Variants in LRRTM4 observed in about 807,000 individuals in gnomAD.
LRRTM4 encodes leucine-rich repeat transmembrane neuronal protein 4.
A neutral mutation model predicts 47.6 loss-of-function variants in LRRTM4; 25 were observed. That is an observed-to-expected ratio of 0.53 (90% CI 0.38 to 0.73). The LOEUF (loss-of-function observed/expected upper bound fraction) is 0.73, where lower values mean the gene tolerates loss of function less well. LRRTM4 is among the 30% of genes least tolerant of loss of function. LRRTM4 has a pLI of 0.00. For missense variants in LRRTM4, 638 were observed against 713.4 expected, an observed-to-expected ratio of 0.89 and a Z score of 1.20; for synonymous variants, 311 against 269.5, an observed-to-expected ratio of 1.15 and a Z score of -1.51.
At chr2:77,377,928 T>C (rs2103784860) in intron 3 of LRRTM4, among the ~76,000 whole-genome samples, 1 of 152,150 alleles carries the variant, frequency 6.6e-6, no homozygotes, top group South Asian at 2.1e-4. Flanking sequence ...CTATTAATCT[T>C]TTAAAAACCA....
chr2:76,930,519 G>C (rs1674736679), intron 3 of LRRTM4, among the ~76,000 whole-genome samples: 1 of 152,158 alleles, frequency 6.6e-6, no homozygotes, highest in Non-Finnish European at 1.5e-5. Context: ...CACAGCAGAA[G>C]TGTGCTGATG....
intron 3 of LRRTM4, among the ~76,000 whole-genome samples, chr2:77,460,968 A>G (rs1298550324): frequency 1.3e-5 from 2 of 152,098 alleles, no homozygotes; most frequent in South Asian, 4.1e-4. Context: ...TAAAATATAG[A>G]CTACATTTTA....
chr2:77,392,455 TTTGGTTTA>T (rs1272534148), intron 3 of LRRTM4, among the ~76,000 whole-genome samples: 1 of 152,074 alleles, frequency 6.6e-6, no homozygotes. Context: ...TCAGATACTT[TTTGGTTTA>T]CACCATCAAT....
intron 3 of LRRTM4, among the ~76,000 whole-genome samples, chr2:76,951,418 T>C (rs1675489839): frequency 6.6e-6 from 1 of 151,972 alleles, no homozygotes; most frequent in Admixed American, 6.6e-5. Flanking sequence ...TAACCTAGAG[T>C]TTCAACTCTA....
intron 3 of LRRTM4, among the ~76,000 whole-genome samples, chr2:77,439,739 T>C (rs1675758051): frequency 6.6e-6 from 1 of 152,194 alleles, no homozygotes; most frequent in African/African-American, 2.4e-5. Context: ...TTATTATTAT[T>C]ACAGGTGACG....
intron 3 of LRRTM4, among the ~76,000 whole-genome samples, chr2:76,942,560 T>G (rs1675183500): frequency 6.6e-6 from 1 of 151,386 alleles, no homozygotes; most frequent in Admixed American, 6.6e-5. Flanking sequence ...AATGTATGAA[T>G]TTTTATTACA....
At chr2:77,228,341 G>T (rs936778024) in intron 3 of LRRTM4, among the ~76,000 whole-genome samples, 11 of 151,972 alleles carry the variant, frequency 7.2e-5, no homozygotes, top group African/African-American at 2.7e-4. Context: ...ATCTAATCTG[G>T]TTTTGTCCCA....
chr2:77,406,218 T>G (rs376483158), intron 3 of LRRTM4, among the ~76,000 whole-genome samples: 1 of 151,632 alleles, frequency 6.6e-6, no homozygotes, highest in Non-Finnish European at 1.5e-5. Context: ...TTGACTAGAG[T>G]CTGGACAAAT....
At chr2:76,872,909 C>T (rs776327493) in intron 3 of LRRTM4, among the ~76,000 whole-genome samples, 3 of 152,114 alleles carry the variant, frequency 2.0e-5, no homozygotes, top group African/African-American at 4.8e-5. Flanking sequence ...TGCTCCCTCT[C>T]TTGCCAAATG....
intron 3 of LRRTM4, among the ~76,000 whole-genome samples, chr2:76,822,080 A>G (rs1671067866): frequency 6.6e-6 from 1 of 151,686 alleles, no homozygotes; most frequent in Non-Finnish European, 1.5e-5. Context: ...GTAAAATTTT[A>G]TAGAAAAAAT....
At chr2:77,133,995 C>A (rs1169942439) in intron 3 of LRRTM4, among the ~76,000 whole-genome samples, 1 of 152,178 alleles carries the variant, frequency 6.6e-6, no homozygotes, top group East Asian at 1.9e-4. Flanking sequence ...GTACACTCTT[C>A]CTTGGTAACT....
intron 3 of LRRTM4, among the ~76,000 whole-genome samples, chr2:77,274,593 G>A (rs1573180314): frequency 6.6e-6 from 1 of 152,086 alleles, no homozygotes; most frequent in African/African-American, 2.4e-5. Context: ...AAAACCAAAT[G>A]AGAATGTGTC....
At chr2:77,421,759 G>A (rs1483762707) in intron 3 of LRRTM4, among the ~76,000 whole-genome samples, 2 of 151,518 alleles carry the variant, frequency 1.3e-5, no homozygotes, top group Non-Finnish European at 2.9e-5. Flanking sequence ...ACAGTGCACA[G>A]AACAACTCCT....
At chr2:77,459,737 T>G (rs1436160009) in intron 3 of LRRTM4, among the ~76,000 whole-genome samples, 3 of 149,552 alleles carry the variant, frequency 2.0e-5, no homozygotes, top group Non-Finnish European at 4.4e-5. Flanking sequence ...CTTCTTACTT[T>G]TAGTGTATAA....
chr2:77,504,990 A>C (rs1393138652), intron 3 of LRRTM4, among the ~76,000 whole-genome samples: 1 of 151,410 alleles, frequency 6.6e-6, no homozygotes. Flanking sequence ...TCAAGGGAAA[A>C]CAATTTCTAT....
intron 3 of LRRTM4, among the ~76,000 whole-genome samples, chr2:77,174,640 G>GT (rs1008255538): frequency 4.6e-5 from 7 of 151,302 alleles, no homozygotes; most frequent in African/African-American, 1.7e-4. Flanking sequence ...CTGCCTGGTT[G>GT]TTTTTTTTGT....
At chr2:77,045,650 C>CTCT (rs1679209155) in intron 3 of LRRTM4, among the ~76,000 whole-genome samples, 2 of 152,076 alleles carry the variant, frequency 1.3e-5, no homozygotes, top group South Asian at 4.1e-4. Flanking sequence ...TGCACAAGCT[C>CTCT]TCTCTTTGCT....
chr2:77,240,364 A>T (rs1240118780), intron 3 of LRRTM4, among the ~76,000 whole-genome samples: 1 of 152,020 alleles, frequency 6.6e-6, no homozygotes, highest in Non-Finnish European at 1.5e-5. Flanking sequence ...AATTCATTAC[A>T]GAATAAATGG....
At position 76,979,541 on chromosome 2, in the gene LRRTM4, G is replaced by GTATATATATATATATATA. The variant is rs70939837; in HGVS notation, c.1552-230626_1552-230625insTATATATATATATATATA. Reference sequence around the variant, plus strand: ...ATTCAGACTGCAAAACTGAATTTCTGTATATATATATGCTCTTCCTCTATA... The same window carrying GTATATATATATATATATA: ...ATTCAGACTGCAAAACTGAATTTCTGTATATATATATATATATATATATATATATGCTCTTCCTCTATA... On this transcript the variant is annotated intron_variant, in intron 3 of 3. Transcript: ENST00000409884. Among the ~76,000 whole-genome samples the GTATATATATATATATATA allele has an allele frequency of 4.7e-3, 593 of 126,940 alleles. 34 individuals are homozygous for GTATATATATATATATATA. The highest frequency in any genetic ancestry group is 0.019 in the African/African-American group (556 of 29,238). The allele number at this position is 126,940 out of a possible 152,430, so 83.3% of individuals were successfully genotyped here.
Sources: gnomAD v4.1 joint callset for allele counts (sites outside exome capture counted in the v4.1 genomes callset) on GRCh38, gnomAD v4.1.1 for gene constraint, MANE v1.5 for transcripts, NCBI Gene and HGNC (gene_info 2026-07-23, HGNC 2026-07-21) for gene names.